The following CDKN2B-AS1 variants were observed in gnomAD, a reference collection of about 807,000 sequenced individuals.
The protein encoded by CDKN2B-AS1 is CDKN2B antisense RNA 1 (non-protein coding).
intron 4 of CDKN2B-AS1, among the ~76,000 whole-genome samples, chr9:22,103,131 ATGTGTGTGTG>A (rs3221506): frequency 1.2e-3 from 159 of 132,510 alleles, no homozygotes; most frequent in East Asian, 7.3e-3. Flanking sequence ...TCTAGAACAG[ATGTGTGTGTG>A]TGTGTGTGTG....
chr9:22,049,535 A>G (rs1823251278), intron 3 of CDKN2B-AS1, among the ~76,000 whole-genome samples: 2 of 152,118 alleles, frequency 1.3e-5, no homozygotes, highest in African/African-American at 4.8e-5. Context: ...CTCTTACACA[A>G]GGGGCCCCAC....
intron 4 of CDKN2B-AS1, among the ~76,000 whole-genome samples, chr9:22,116,822 C>G (rs935666583): frequency 2.6e-4 from 40 of 152,308 alleles, no homozygotes; most frequent in African/African-American, 9.1e-4. Context: ...GAGTTTTAAA[C>G]TGGAGAATGT....
At chr9:21,998,550 G>A (rs1267018660) in intron 1 of CDKN2B-AS1, among the ~76,000 whole-genome samples, 4 of 152,180 alleles carry the variant, frequency 2.6e-5, no homozygotes, top group African/African-American at 9.7e-5. Context: ...TTATCTGTGG[G>A]TCACTTATGC....
chr9:22,023,282 C>G (rs1822086491), intron 1 of CDKN2B-AS1, among the ~76,000 whole-genome samples: 1 of 152,032 alleles, frequency 6.6e-6, no homozygotes, highest in South Asian at 2.1e-4. Context: ...GATGTGGTCT[C>G]TATATAATCC....
At chr9:22,042,678 G>A (rs1187235504) in intron 1 of CDKN2B-AS1, among the ~76,000 whole-genome samples, 2 of 152,038 alleles carry the variant, frequency 1.3e-5, no homozygotes, top group Non-Finnish European at 2.9e-5. Flanking sequence ...TGTTTCACAA[G>A]TACTCAGACC....
chr9:22,040,588 T>A (rs1163645913), intron 1 of CDKN2B-AS1, among the ~76,000 whole-genome samples: 2 of 151,930 alleles, frequency 1.3e-5, no homozygotes, highest in Non-Finnish European at 2.9e-5. Context: ...AGATTGTTCA[T>A]GTGTATGGAT....
chr9:22,072,135 A>G (rs190580246), intron 4 of CDKN2B-AS1, among the ~76,000 whole-genome samples: 1 of 152,310 alleles, frequency 6.6e-6, no homozygotes, highest in East Asian at 1.9e-4. Flanking sequence ...CCTTGAGAAG[A>G]TCTGTACCAT....
intron 3 of CDKN2B-AS1, chr9:22,049,360 C>T (rs1823240564): frequency 6.6e-6 from 1 of 152,176 alleles, no homozygotes; most frequent in South Asian, 2.1e-4. Context: ...AGAGTTCTTT[C>T]CTACTCTGTC....
At position 22,000,342 on chromosome 9, in the gene CDKN2B-AS1, G is replaced by A. The variant is rs772797066; in HGVS notation, n.29+5181G>A. Among the ~76,000 whole-genome samples, 3 of 152,100 alleles carry A rather than the reference G, an allele frequency of 2.0e-5. No homozygotes were observed. The highest frequency in any genetic ancestry group is 4.4e-5 in the Non-Finnish European group (3 of 67,996). ...TAAAGTGGTATGCTTCCCTAGAAAGGGGACGACCTTAAATCTTTCTGTTTA... is the reference window on the plus strand; with the variant it reads ...TAAAGTGGTATGCTTCCCTAGAAAGAGGACGACCTTAAATCTTTCTGTTTA... On this transcript the variant is annotated intron_variant and non_coding_transcript_variant, in intron 1 of 4. Coordinates refer to ENST00000650946, the Ensembl canonical transcript of CDKN2B-AS1. The surrounding 1 kb of genome is among the most constrained non-coding windows in gnomAD (Gnocchi z 4.1).
intron 1 of CDKN2B-AS1, chr9:22,003,578 A>T (rs916427734): frequency 4.4e-6 from 1 of 229,076 alleles, no homozygotes; most frequent in Non-Finnish European, 8.6e-6. Flanking sequence ...TTTATATAGA[A>T]TGTTTTCTAA....
In CDKN2B-AS1 at chr9:21,995,471, C is replaced by G. The variant is rs1192803707; in HGVS notation, n.29+310C>G. On this transcript the variant is annotated intron_variant and non_coding_transcript_variant, in intron 1 of 4. Coordinates refer to ENST00000650946, the Ensembl canonical transcript of CDKN2B-AS1. The surrounding 1 kb of genome is among the most constrained non-coding windows in gnomAD (Gnocchi z 5.7). ...CGCTCTGCCCCGCGCCCAGACACCCCGACTCCCCTTGATCCCGCCGCCTGA... is the reference window on the plus strand; with the variant it reads ...CGCTCTGCCCCGCGCCCAGACACCCGGACTCCCCTTGATCCCGCCGCCTGA... The G allele has an allele frequency of 6.6e-6, 1 of 152,566 alleles. No homozygotes were observed. Among genetic ancestry groups the G allele is most frequent in the Non-Finnish European group, 1.5e-5 (1 of 68,272 alleles). 9.5% of individuals were successfully genotyped at this position (152,566 alleles called of 1,614,324 possible).
At chr9:22,002,601 T>C (rs1033999597) in intron 1 of CDKN2B-AS1, among the ~76,000 whole-genome samples, 2 of 152,050 alleles carry the variant, frequency 1.3e-5, no homozygotes, top group African/African-American at 2.4e-5. Context: ...TTGCTGAAGA[T>C]CAGTTACCTA....
chr9:22,025,068 A>T (rs10811644), intron 1 of CDKN2B-AS1, among the ~76,000 whole-genome samples: 85,792 of 152,052 alleles, frequency 0.56, 25,254 homozygotes, highest in African/African-American at 0.7. Context: ...CTGTCCATGC[A>T]CTGCTGTAGA....
chr9:22,110,351 A>G (rs886405334), intron 4 of CDKN2B-AS1, among the ~76,000 whole-genome samples: 17 of 152,140 alleles, frequency 1.1e-4, no homozygotes. Flanking sequence ...TATCACTTGG[A>G]TGAGTAAAGT....
In CDKN2B-AS1 at chr9:22,006,702, A is replaced by G. The variant is rs559326756; in HGVS notation, n.29+11541A>G. ...TAGGTAGTCAACTACTGTTTGTTAG[A>G]AGTTGGGAGTAATGGTTTAGGGGAG... On this transcript the variant is annotated intron_variant and non_coding_transcript_variant, in intron 1 of 4. Transcript: ENST00000650946. This position sits in a 1 kb window ranked among gnomAD's most constrained non-coding sequence, Gnocchi z 6.4. Among the ~76,000 whole-genome samples, 297 of 152,196 alleles carry G rather than the reference A, an allele frequency of 2.0e-3. No homozygotes were observed. Among genetic ancestry groups the G allele is most frequent in the Non-Finnish European group, 2.1e-3 (141 of 68,012 alleles).
intron 1 of CDKN2B-AS1, among the ~76,000 whole-genome samples, chr9:22,022,346 T>G (rs557215403): frequency 2.0e-5 from 3 of 152,190 alleles, no homozygotes; most frequent in African/African-American, 7.2e-5. Context: ...CTGTGTTGGG[T>G]GTATATATAT....
intron 4 of CDKN2B-AS1, among the ~76,000 whole-genome samples, chr9:22,068,633 T>C (rs74806286): frequency 5.3e-5 from 8 of 152,184 alleles, no homozygotes; most frequent in Non-Finnish European, 1.0e-4. Context: ...GTGTGGTCTT[T>C]AAGTGGCTTT....
intron 3 of CDKN2B-AS1, chr9:22,056,234 A>ATATATATAT (rs777560826): frequency 1.0e-5 from 1 of 98,282 alleles, no homozygotes; most frequent in African/African-American, 4.0e-5. Context: ...ATATATATAT[A>ATATATATAT]TTTTTTTTTT....
intron 3 of CDKN2B-AS1, among the ~76,000 whole-genome samples, chr9:22,050,495 T>C (rs1219344863): frequency 6.6e-6 from 1 of 152,226 alleles, no homozygotes; most frequent in African/African-American, 2.4e-5. Flanking sequence ...CAGTTAACAG[T>C]TAAAATCCCG....
Sources: gnomAD v4.1 joint callset for allele counts (sites outside exome capture counted in the v4.1 genomes callset) on GRCh38, gnomAD v4.1.1 for gene constraint, Gnocchi (gnomAD v3.1) non-coding constraint, MANE v1.5 for transcripts, NCBI Gene and HGNC (gene_info 2026-07-23, HGNC 2026-07-21) for gene names.